MYRF: variants seen among roughly 807,000 people sequenced by gnomAD.
The protein encoded by MYRF is myelin gene regulatory factor.
MYRF carries 16 observed loss-of-function variants against 126.3 expected under a neutral mutation model. The observed-to-expected ratio is 0.13, with a 90% CI of 0.09 to 0.19. The LOEUF is 0.19. Ranked by LOEUF, MYRF falls within the 10% of genes least tolerant of loss-of-function variation. The probability of loss-of-function intolerance (pLI) is 1.00; values close to 1 mark genes in which losing one functional copy is unlikely to be tolerated. For synonymous variants in MYRF, 608 were observed against 635.3 expected (o/e 0.96, Z 0.65); for missense variants, 1,104 against 1,547.0 (o/e 0.71, Z 4.80).
At chr11:61,773,862 G>A in intron 7 of MYRF, 105 bp from the exon 8 acceptor site, 1 of 898,296 alleles carries the variant, frequency 1.1e-6, no homozygotes, top group Non-Finnish European at 1.7e-6. Flanking sequence ...TGAGGATGCA[G>A]GGGTGTGGTG....
At position 61,757,526 on chromosome 11, in the gene MYRF, C is replaced by T. The variant is rs2065793322; in HGVS notation, c.46+4736C>T. The T allele has an allele frequency of 4.4e-6, 2 of 456,460 alleles. No individual in the cohort carries two copies. Among genetic ancestry groups the T allele is most frequent in the South Asian group, 3.1e-5 (2 of 64,570 alleles). 28.3% of individuals were successfully genotyped at this position (456,460 alleles called of 1,614,324 possible). A position where few individuals can be genotyped will look rare whatever the true frequency, so the allele number is the denominator to read the frequency against. On this transcript the variant is annotated intron_variant, in intron 1 of 26. Coordinates refer to ENST00000278836, the MANE Select transcript of MYRF (RefSeq NM_001127392.3). This position sits in a 1 kb window ranked among gnomAD's most constrained non-coding sequence, Gnocchi z 4.7. ...TGGTCCCCAGGGTAGGTCAGTGCCC[C>T]TAAGCTTAGGGGGCTTGTTGAGCAT...
intron 1 of MYRF, among the ~76,000 whole-genome samples, chr11:61,761,260 G>T (rs570226946): frequency 1.2e-4 from 8 of 69,456 alleles, no homozygotes; most frequent in East Asian, 9.8e-4. Flanking sequence ...CACAGCTGGT[G>T]GGGGGGGGGG....
chr11:61,766,581 A>T, intron 3 of MYRF: 1 of 266,620 alleles, frequency 3.8e-6, no homozygotes, highest in East Asian at 8.0e-5. Context: ...CGCCAAGCCC[A>T]CCCACTTACG....
chr11:61,775,013 C>T lies in MYRF; in HGVS notation c.1311+851C>T, dbSNP rs141627322. ...GGTTACCTGAGCCGCAAATCTGGGT[C>T]AGGGCCCTCTTTCCCCAACCTCATC... On this transcript the variant is annotated intron_variant, in intron 8 of 26. Coordinates refer to ENST00000278836, the MANE Select transcript of MYRF (RefSeq NM_001127392.3). Among the ~76,000 whole-genome samples the T allele has an allele frequency of 7.2e-3, 1,102 of 152,314 alleles. 4 individuals are homozygous for T. The highest frequency in any genetic ancestry group is 0.012 in the Non-Finnish European group (802 of 68,024).
intron 8 of MYRF, 84 bp from the exon 9 acceptor site, chr11:61,775,972 G>T: frequency 7.5e-7 from 1 of 1,337,466 alleles, no homozygotes; most frequent in South Asian, 1.2e-5. Flanking sequence ...CTCTAGTTGG[G>T]CCAGGCCTGG....
Position 61,783,698 on chromosome 11 carries a change from TC to T in MYRF, c.3119+103del. On this transcript the variant is annotated intron_variant, in intron 23 of 26. Coordinates refer to ENST00000278836, the MANE Select transcript of MYRF (RefSeq NM_001127392.3). The surrounding 1 kb of genome is among the most constrained non-coding windows in gnomAD (Gnocchi z 4.6). ...GAACTTGCCCTTTCAGGGAGGAGCC[TC>T]CCCCATAAGGAAGGGTAGCCCCTTT... is the stretch of plus-strand genomic sequence containing the variant. The T allele has an allele frequency of 7.2e-7, 1 of 1,379,952 alleles. No homozygotes were observed. The highest frequency in any genetic ancestry group is 1.0e-6 in the Non-Finnish European group (1 of 984,594). The allele number at this position is 1,379,952 out of a possible 1,614,324, so 85.5% of individuals were successfully genotyped here.
At chr11:61,779,698 C>T in intron 16 of MYRF, 128 bp downstream of exon 16, 5 of 1,209,816 alleles carry the variant, frequency 4.1e-6, no homozygotes, top group Non-Finnish European at 5.8e-6. Context: ...TGTAGCCCTC[C>T]CAGCCCCGTT....
Position 61,786,176 on chromosome 11 carries a change from C to G in MYRF, c.*33C>G, listed in dbSNP as rs1315476082. On this transcript the variant is annotated 3_prime_UTR_variant, in exon 27 of 27. Transcript: ENST00000278836. This position sits in a 1 kb window ranked among gnomAD's most constrained non-coding sequence, Gnocchi z 4.5. ...TCCTGAGGCAGCACCACACCAGGGA[C>G]CAGGGGTGCCCAGGCACCCCCCAAC... The G allele has an allele frequency of 6.3e-7, 1 of 1,593,874 alleles. No individual in the cohort carries two copies. The highest frequency in any genetic ancestry group is 1.3e-5 in the African/African-American group (1 of 74,464).
In MYRF at chr11:61,783,950, G is replaced by A. The variant is rs769056611; in HGVS notation, c.3194+25G>A. ...AGTGAGTGCCGGTGTGGGGAAGTGGGAGGCAGGAGGGGAGCCAGGGAGAAT... is the reference window on the plus strand; with the variant it reads ...AGTGAGTGCCGGTGTGGGGAAGTGGAAGGCAGGAGGGGAGCCAGGGAGAAT... On this transcript the variant is annotated intron_variant, in intron 24 of 26. Transcript: ENST00000278836. The surrounding 1 kb of genome is among the most constrained non-coding windows in gnomAD (Gnocchi z 4.6). The A allele has an allele frequency of 2.5e-6, 4 of 1,584,834 alleles. No homozygotes were observed. The highest frequency in any genetic ancestry group is 2.6e-6 in the Non-Finnish European group (3 of 1,163,620).
At position 61,781,478 on chromosome 11, in the gene MYRF, C is replaced by T. The variant is rs896342732; in HGVS notation, c.2765-95C>T. 4.5e-6 allele frequency: 7 copies of T among 1,546,878 alleles called. No homozygotes were observed. In the African/African-American group the frequency reaches 9.6e-5, roughly 21 times the overall value. ...GTTCCCCTGAGAGGACCAAGAGACA[C>T]ATGGGGTTCACTCAGTCTTGTGGGG... On this transcript the variant is annotated intron_variant, in intron 21 of 26. Transcript: ENST00000278836.
At position 61,781,959 on chromosome 11, in the gene MYRF, G is replaced by C. The variant is rs115425361; in HGVS notation, c.3016+135G>C. The C allele has an allele frequency of 6.0e-3, 6,838 of 1,146,630 alleles. 298 individuals carry two copies. In the African/African-American group the frequency reaches 0.093, roughly 16 times the overall value. 71.0% of individuals were successfully genotyped at this position (1,146,630 alleles called of 1,614,324 possible). Reference sequence around the variant, plus strand: ...AGACGTTTGCTGAGCACAGAATAAGGATCAGGAATCAGGCCTGCAGCCTTA... The same window carrying C: ...AGACGTTTGCTGAGCACAGAATAAGCATCAGGAATCAGGCCTGCAGCCTTA... On this transcript the variant is annotated intron_variant, in intron 22 of 26. Coordinates refer to ENST00000278836, the MANE Select transcript of MYRF (RefSeq NM_001127392.3).
At chr11:61,760,635 G>A (rs369590813) in intron 1 of MYRF, among the ~76,000 whole-genome samples, 75 of 152,280 alleles carry the variant, frequency 4.9e-4, no homozygotes, top group Admixed American at 4.6e-4. Flanking sequence ...GAGGTGTGCA[G>A]GCAGGAAAGG....
intron 8 of MYRF, among the ~76,000 whole-genome samples, chr11:61,775,627 G>C (rs1235354622): frequency 6.6e-6 from 1 of 152,144 alleles, no homozygotes; most frequent in East Asian, 1.9e-4. Context: ...TCTGGGGAGT[G>C]AGTGGGCCTA....
In MYRF at chr11:61,776,662, C is replaced by G; in HGVS notation, c.1500-125C>G. ...GTGGGCCCTGGGGAATTTCTGCCCC[C>G]TGGTGGAGGCTCGGGTTCCTCCTCT... is the stretch of plus-strand genomic sequence containing the variant. On this transcript the variant is annotated intron_variant, in intron 10 of 26. Transcript: ENST00000278836. The surrounding 1 kb of genome is among the most constrained non-coding windows in gnomAD (Gnocchi z 4.3). 1.2e-6 allele frequency: 1 copy of G among 834,330 alleles called. No individual in the cohort carries two copies. Among genetic ancestry groups the G allele is most frequent in the Admixed American group, 2.8e-5 (1 of 35,240 alleles). The allele number at this position is 834,330 out of a possible 1,614,324, so 51.7% of individuals were successfully genotyped here.
At chr11:61,785,916 CCT>C (rs747375035) in intron 26 of MYRF, 42 bp downstream of exon 26, 54 of 1,598,956 alleles carry the variant, frequency 3.4e-5, no homozygotes, top group Middle Eastern at 1.7e-4. Context: ...TCTGGGCACC[CCT>C]GTCTGCGACG....
At chr11:61,769,053 G>A (rs754370776) in intron 3 of MYRF, among the ~76,000 whole-genome samples, 3 of 152,152 alleles carry the variant, frequency 2.0e-5, no homozygotes, top group Non-Finnish European at 2.9e-5. Flanking sequence ...GATCCTGGGC[G>A]GTCCCCTACC....
rs993803678 is a variant in MYRF at position 61,765,846 on chromosome 11, C to A, written c.135-112C>A. 1.2e-5 allele frequency: 17 copies of A among 1,434,066 alleles called. No homozygotes were observed. In the African/African-American group the frequency reaches 2.3e-4, roughly 19 times the overall value. The allele number at this position is 1,434,066 out of a possible 1,614,324, so 88.8% of individuals were successfully genotyped here. A position where few individuals can be genotyped will look rare whatever the true frequency, so the allele number is the denominator to read the frequency against. ...CTCTGAAAGCTGCTCCTCGTCCCTTCCCAGCCACTGACTCCTCCGAAATCT... is the reference window on the plus strand; with the variant it reads ...CTCTGAAAGCTGCTCCTCGTCCCTTACCAGCCACTGACTCCTCCGAAATCT... On this transcript the variant is annotated intron_variant, in intron 2 of 26. Coordinates refer to ENST00000278836, the MANE Select transcript of MYRF (RefSeq NM_001127392.3).
intron 18 of MYRF, 53 bp from the exon 19 acceptor site, chr11:61,780,654 GTCTTC>G (rs1224672285): frequency 6.0e-6 from 9 of 1,504,620 alleles, no homozygotes; most frequent in East Asian, 2.5e-5. Context: ...CTCTGACTGT[GTCTTC>G]TCTTCTCTTC....
At chr11:61,772,540 G>C (rs2066257145) in intron 7 of MYRF, among the ~76,000 whole-genome samples, 1 of 152,264 alleles carries the variant, frequency 6.6e-6, no homozygotes, top group African/African-American at 2.4e-5. Flanking sequence ...GGTGCTCCAG[G>C]CTTTGGGGGA....
Sources: allele counts gnomAD v4.1 joint callset (sites outside exome capture counted in the v4.1 genomes callset), GRCh38; gene constraint gnomAD v4.1.1; non-coding constraint Gnocchi (gnomAD v3.1); transcripts MANE v1.5; gene names NCBI Gene and HGNC (gene_info 2026-07-23, HGNC 2026-07-21).